PCDHA6: variants seen among roughly 807,000 people sequenced by gnomAD.
The protein encoded by PCDHA6 is protocadherin alpha 6.
Under a neutral mutation model 60.3 loss-of-function variants are expected in PCDHA6, and 55 were observed. The observed-to-expected ratio is 0.91, with a 90% CI of 0.73 to 1.14. PCDHA6 has a LOEUF of 1.14. PCDHA6 is among the 50% of genes most tolerant of loss of function. PCDHA6 has a pLI of 0.00. For missense variants in PCDHA6, 1,327 were observed against 1,256.5 expected (o/e 1.06, Z -0.85); for synonymous variants, 652 against 557.9 (o/e 1.17, Z -2.38).
At chr5:140,950,050 T>C (rs1554219269) in intron 1 of PCDHA6, among the ~76,000 whole-genome samples, 3 of 151,956 alleles carry the variant, frequency 2.0e-5, no homozygotes, top group Admixed American at 6.6e-5. Context: ...CATATAAGAC[T>C]ATTTAGCTCT....
intron 1 of PCDHA6, chr5:140,867,238 T>C (rs2049839993): frequency 1.3e-5 from 2 of 152,118 alleles, no homozygotes; most frequent in African/African-American, 4.8e-5. Context: ...AATAAGGTGA[T>C]TGAGGATCTG....
chr5:140,915,626 GTCTC>G (rs57920489), intron 1 of PCDHA6, among the ~76,000 whole-genome samples: 182 of 146,478 alleles, frequency 1.2e-3, no homozygotes, highest in East Asian at 9.3e-3. Flanking sequence ...GTCTCTTTCT[GTCTC>G]TCTCTCTCTC....
chr5:140,927,505 G>C, intron 1 of PCDHA6: 2 of 1,614,120 alleles, frequency 1.2e-6, no homozygotes, highest in Middle Eastern at 1.6e-4. Context: ...GGTGCTTACA[G>C]CTCGGGACGG....
intron 1 of PCDHA6, chr5:140,848,245 A>G: frequency 2.2e-6 from 1 of 452,154 alleles, no homozygotes; most frequent in Non-Finnish European, 3.9e-6. Context: ...AGTTTTGCAG[A>G]ATAACTGTGA....
chr5:140,871,567 AT>A (rs1441824086), intron 1 of PCDHA6: 5 of 1,483,054 alleles, frequency 3.4e-6, no homozygotes, highest in African/African-American at 1.4e-5. Context: ...TTTTTCACGG[AT>A]TTTTTAAGGG....
At chr5:140,850,110 G>T in intron 1 of PCDHA6, 1 of 1,596,146 alleles carries the variant, frequency 6.3e-7, no homozygotes, top group South Asian at 1.1e-5. Flanking sequence ...GAGCGCGCGC[G>T]ACGCGGGCGT....
At chr5:140,855,178 G>C (rs1170062889) in intron 1 of PCDHA6, among the ~76,000 whole-genome samples, 2 of 149,594 alleles carry the variant, frequency 1.3e-5, no homozygotes, top group African/African-American at 4.9e-5. Flanking sequence ...AAACAAATGT[G>C]GCCAAATTGA....
At chr5:140,850,434 C>T (rs2150484212) in intron 1 of PCDHA6, 3 of 1,597,894 alleles carry the variant, frequency 1.9e-6, no homozygotes, top group Non-Finnish European at 1.7e-6. Flanking sequence ...GCGCCAGCGC[C>T]TACTGGTGCT....
At chr5:140,836,267 T>C in intron 1 of PCDHA6, 1 of 1,613,696 alleles carries the variant, frequency 6.2e-7, no homozygotes, top group Non-Finnish European at 8.5e-7. Flanking sequence ...GGCTGTACAC[T>C]GGTGAGATCA....
At chr5:140,876,388 G>A in intron 1 of PCDHA6, 2 of 1,613,896 alleles carry the variant, frequency 1.2e-6, no homozygotes, top group Non-Finnish European at 1.7e-6. Context: ...TAGAATTTAT[G>A]GTGAACTGGA....
chr5:140,966,793 G>A lies in PCDHA6; in HGVS notation c.2395-12156G>A, dbSNP rs1456903567. 4.6e-6 allele frequency: 7 copies of A among 1,532,300 alleles called. No homozygotes were observed. The Admixed American group carries it at 5.8e-5, about 13-fold the overall frequency. The allele number at this position is 1,532,300 out of a possible 1,614,324, so 94.9% of individuals were successfully genotyped here. A position where few individuals can be genotyped will look rare whatever the true frequency, so the allele number is the denominator to read the frequency against. ...TGGAGCAGGCGGGCACCAGACCTGC[G>A]GCGACAGAGCATCCACGGCTCCGGC... On this transcript the variant is annotated intron_variant, in intron 1 of 3. Transcript: ENST00000529310.
At chr5:140,927,564 GGACACAAAT>G in intron 1 of PCDHA6, 1 of 1,614,150 alleles carries the variant, frequency 6.2e-7, no homozygotes, top group Admixed American at 1.7e-5. Context: ...TCATTGTGGT[GGACACAAAT>G]GACAACGCGC....
chr5:140,900,151 G>A lies in PCDHA6; in HGVS notation c.2394+69666G>A, dbSNP rs114795695. On this transcript the variant is annotated intron_variant, in intron 1 of 3. Coordinates refer to ENST00000529310, the MANE Select transcript of PCDHA6 (RefSeq NM_018909.4). ...GTACCACAAATAAGTAAGAACATAC[G>A]ATATTTGTCTTTCTGTGCCTGGTTT... is the stretch of plus-strand genomic sequence containing the variant. Among the ~76,000 whole-genome samples, 787 of 152,242 alleles carry A rather than the reference G, an allele frequency of 5.2e-3. 9 individuals carry two copies. Among genetic ancestry groups the A allele is most frequent in the African/African-American group, 0.018 (746 of 41,554 alleles).
chr5:140,876,644 C>T, intron 1 of PCDHA6: 2 of 1,614,200 alleles, frequency 1.2e-6, no homozygotes, highest in South Asian at 1.1e-5. Context: ...TCACTGACAC[C>T]TCATGTTCCC....
At chr5:141,008,431 C>T (rs1192058423) in intron 3 of PCDHA6, among the ~76,000 whole-genome samples, 1 of 152,140 alleles carries the variant, frequency 6.6e-6, no homozygotes, top group Non-Finnish European at 1.5e-5. Flanking sequence ...GATCACTTTG[C>T]CCAGACAGAC....
chr5:140,848,218 A>T (rs1404023746), intron 1 of PCDHA6: 1 of 371,682 alleles, frequency 2.7e-6, no homozygotes, highest in Non-Finnish European at 4.8e-6. Flanking sequence ...TTAAGAAAAA[A>T]TTAAGAAAAT....
intron 1 of PCDHA6, chr5:140,927,497 T>A: frequency 6.2e-7 from 1 of 1,614,094 alleles, no homozygotes; most frequent in Non-Finnish European, 8.5e-7. Flanking sequence ...CACCTGCTGG[T>A]GCTTACAGCT....
At chr5:141,000,421 ATTT>A (rs34755515) in intron 3 of PCDHA6, among the ~76,000 whole-genome samples, 361 of 27,888 alleles carry the variant, frequency 0.013, no homozygotes, top group East Asian at 0.018. Context: ...ATATATATAT[ATTT>A]TTTTTTTTTT....
intron 1 of PCDHA6, chr5:140,857,630 G>A (rs1554150395): frequency 6.3e-7 from 1 of 1,596,610 alleles, no homozygotes; most frequent in African/African-American, 1.3e-5. Flanking sequence ...CGAGGAGCTG[G>A]AGCTGCTACA....
Sources: allele counts gnomAD v4.1 joint callset (sites outside exome capture counted in the v4.1 genomes callset), GRCh38; gene constraint gnomAD v4.1.1; transcripts MANE v1.5; gene names NCBI Gene and HGNC (gene_info 2026-07-23, HGNC 2026-07-21).